The following GNL2 variants were observed in gnomAD, a reference collection of about 807,000 sequenced individuals.
GNL2 encodes G protein nucleolar 2.
GNL2 carries 51 observed loss-of-function variants against 92.3 expected under a neutral mutation model. The observed-to-expected ratio is 0.55, with a 90% confidence interval of 0.44 to 0.70. The LOEUF (loss-of-function observed/expected upper bound fraction) is 0.70. GNL2 is among the 30% of genes least tolerant of loss of function. GNL2 has a pLI of 0.00. For synonymous variants in GNL2, 283 were observed against 300.6 expected (o/e 0.94, Z 0.61); for missense variants, 844 against 895.6 (o/e 0.94, Z 0.74).
chr1:37,592,607 C>T (rs1643894180), intron 3 of GNL2, 105 bp downstream of exon 3: 2 of 675,356 alleles, frequency 3.0e-6, no homozygotes, highest in East Asian at 2.5e-5. Context: ...TAATCCTTGC[C>T]GGTTTCACTC....
Position 37,590,787 on chromosome 1 carries a change from T to A in GNL2, c.303A>T (p.Thr101=). The change falls in exon 4 of 16, where the codon ACA becomes ACT. Residue 101 remains threonine (T), a synonymous_variant. Coordinates refer to ENST00000373062, the MANE Select transcript of GNL2 (RefSeq NM_013285.3). ...SLQKFQEEMD[T]VMKDPYKVVM... is the part of the protein sequence containing the mutation. ...CAACTTTGTATGGATCCTTCATAAC[T>A]GTATCCATTTCCTCTTGAAATTTTT... 1 of 1,600,212 alleles carries A rather than the reference T, an allele frequency of 6.2e-7. No homozygotes were observed. Among genetic ancestry groups the A allele is most frequent in the Non-Finnish European group, 8.5e-7 (1 of 1,170,878 alleles).
rs1643518535 is a variant in GNL2, at chr1:37,567,242, G to C, written c.2044-235C>G. Among the ~76,000 whole-genome samples, 4 of 152,140 alleles carry C rather than the reference G, an allele frequency of 2.6e-5. 1 individual carries two copies. The South Asian group carries it at 8.3e-4, about 31-fold the overall frequency. On this transcript the variant is annotated intron_variant, in intron 15 of 15. Transcript: ENST00000373062. ...ACATGTGATCCAACCCTTAGCCAGT[G>C]CAAGAATCTGTTCTGCATCACTCCT...
chr1:37,582,302 G>T lies in GNL2; in HGVS notation c.830C>A (p.Pro277Gln). The change falls in exon 8 of 16, where the codon CCA becomes CAA. Residue 277 changes from proline to glutamine, a missense_variant. By Grantham distance (76) the Pro-to-Gln change is moderately conservative. Coordinates refer to ENST00000373062, the MANE Select transcript of GNL2 (RefSeq NM_013285.3). ...RWVAVLSQDY[P>Q]TLAFHASLTN... ...AAGGCTTGCATGGAAAGCAAGTGTT[G>T]GATAATCCTGGGAGAGGACAGCAAC... is the stretch of plus-strand genomic sequence containing the variant. 2.5e-6 allele frequency: 4 copies of T among 1,613,156 alleles called. No individual in the cohort carries two copies. Among genetic ancestry groups the T allele is most frequent in the Non-Finnish European group, 3.4e-6 (4 of 1,179,568 alleles).
chr1:37,582,091 G>C (rs1446494652), intron 8 of GNL2, 132 bp downstream of exon 8: 2 of 583,466 alleles, frequency 3.4e-6, no homozygotes, highest in Non-Finnish European at 6.1e-6. Flanking sequence ...GTCCTGAGTA[G>C]CTAGGACTAC....
rs764754494 is a variant in GNL2 at position 37,568,331 on chromosome 1, A to G, written c.1895T>C (p.Ile632Thr). ...VRISKGLSEK[I>T]FAKPEEQRKT... ...TCTTTGTTCTTCAGGTTTTGCAAAT[A>G]TCTTTTCACTCAGTCCCTTGGATAT... The change falls in exon 14 of 16, where the codon ATA becomes ACA. Residue 632 changes from isoleucine to threonine, a missense_variant. Ile to Thr is a moderately conservative substitution (Grantham distance 89). Transcript: ENST00000373062. The G allele has an allele frequency of 6.2e-7, 1 of 1,609,638 alleles. No individual in the cohort carries two copies. Among genetic ancestry groups the G allele is most frequent in the South Asian group, 1.1e-5 (1 of 90,986 alleles).
chr1:37,589,597 G>A (rs140719665), intron 4 of GNL2, among the ~76,000 whole-genome samples: 5 of 152,308 alleles, frequency 3.3e-5, no homozygotes, highest in East Asian at 1.9e-4. Context: ...GAGCCACCGC[G>A]CCCAGCCTGA....
At chr1:37,591,563 T>C (rs1643887951) in intron 3 of GNL2, among the ~76,000 whole-genome samples, 1 of 150,272 alleles carries the variant, frequency 6.7e-6, no homozygotes, top group Non-Finnish European at 1.5e-5. Flanking sequence ...TGGAGTGCAG[T>C]GGCACAATCT....
rs1468488206 is a variant in GNL2 at position 37,582,921 on chromosome 1, C to G, written c.652G>C (p.Asp218His). 4.3e-6 allele frequency: 7 copies of G among 1,611,500 alleles called. No homozygotes were observed. Among genetic ancestry groups the G allele is most frequent in the African/African-American group, 1.3e-5 (1 of 74,816 alleles). ...GCATCAAGAACTTGAACTACAACAT[C>G]TGATGAATCTATCACCTGAAAATTC... ...GELYKVIDSS[D>H]VVVQVLDARD... is the part of the protein sequence containing the mutation. Residue 218 changes from aspartate (D) to histidine (H), a missense_variant, in exon 7 of 16, where the codon GAT becomes CAT. Asp to His is a moderately conservative substitution (Grantham distance 81). Coordinates refer to ENST00000373062, the MANE Select transcript of GNL2 (RefSeq NM_013285.3).
chr1:37,576,558 T>C lies in GNL2; in HGVS notation c.910-2A>G. On this transcript the variant is annotated splice_acceptor_variant, in intron 8 of 15. Transcript: ENST00000373062. LOFTEE classifies it high-confidence loss of function. ...GATCTGTTTCTTGTCAGTGTGCAAC[T>C]GTTCAAAGAGAGAATACACAGCACA... 6.2e-7 allele frequency: 1 copy of C among 1,613,588 alleles called. No individual in the cohort carries two copies. The highest frequency in any genetic ancestry group is 2.2e-5 in the East Asian group (1 of 44,866).
At chr1:37,573,125 G>A (rs1643619904) in intron 12 of GNL2, among the ~76,000 whole-genome samples, 1 of 152,172 alleles carries the variant, frequency 6.6e-6, no homozygotes, top group Non-Finnish European at 1.5e-5. Context: ...AATGAAAGAT[G>A]CAATACACAT....
At position 37,574,525 on chromosome 1, in the gene GNL2, T is replaced by C. The variant is rs1643646520; in HGVS notation, c.1303-69A>G. 4.9e-6 allele frequency: 7 copies of C among 1,442,716 alleles called. No homozygotes were observed. In the South Asian group the frequency reaches 5.8e-5, roughly 12 times the overall value. The allele number at this position is 1,442,716 out of a possible 1,614,324, so 89.4% of individuals were successfully genotyped here. ...AAACCACCTACCACTTTGGGGGTAT[T>C]TCAGTTGTCCCAGGGGTTCATCATC... On this transcript the variant is annotated intron_variant, in intron 11 of 15. Coordinates refer to ENST00000373062, the MANE Select transcript of GNL2 (RefSeq NM_013285.3).
chr1:37,574,549 T>C (rs1643646972), intron 11 of GNL2, 93 bp from the exon 12 acceptor site: 1 of 1,391,410 alleles, frequency 7.2e-7, no homozygotes, highest in Admixed American at 1.8e-5. Context: ...GGGTTCATCA[T>C]CACTTAAGTG....
intron 12 of GNL2, chr1:37,570,512 A>T (rs1318787259): frequency 6.6e-6 from 1 of 151,610 alleles, no homozygotes; most frequent in Non-Finnish European, 1.5e-5. Flanking sequence ...CCTGGGCAAC[A>T]GAGCAAGACT....
rs745689181 is a variant in GNL2 at position 37,590,725 on chromosome 1, T to C, written c.365A>G (p.His122Arg). Reference sequence around the variant, plus strand: ...TCTTACATGAGGCCGGATTCGATCATGGAGAAGAGACATTGGTAACTTGCT... The same window carrying C: ...TCTTACATGAGGCCGGATTCGATCACGGAGAAGAGACATTGGTAACTTGCT... ...KQSKLPMSLL[H>R]DRIRPHNLKV... Residue 122 changes from histidine to arginine, a missense_variant, in exon 4 of 16, where the codon CAT becomes CGT. Transcript: ENST00000373062. 1.9e-6 allele frequency: 3 copies of C among 1,613,622 alleles called. No individual in the cohort carries two copies. Among genetic ancestry groups the C allele is most frequent in the Non-Finnish European group, 1.7e-6 (2 of 1,179,506 alleles).
chr1:37,576,850 G>T (rs964503889), intron 8 of GNL2, among the ~76,000 whole-genome samples: 1 of 152,040 alleles, frequency 6.6e-6, no homozygotes. Context: ...AGTGGCTCAC[G>T]CCTGTAATCC....
In GNL2 at chr1:37,587,503, G is replaced by C. The variant is rs1176013468; in HGVS notation, c.385-8C>G. 2 of 1,589,714 alleles carry C rather than the reference G, an allele frequency of 1.3e-6. No individual in the cohort carries two copies. Among genetic ancestry groups the C allele is most frequent in the Non-Finnish European group, 1.7e-6 (2 of 1,162,960 alleles). On this transcript the variant is annotated splice_region_variant and splice_polypyrimidine_tract_variant and intron_variant, in intron 4 of 15. Transcript: ENST00000373062. ...AATGTGCACCTTCAAGTTCTGAAGA[G>C]AAAGGAGAATAACAGGTAAAACTAA...
At chr1:37,577,850 T>C (rs951777937) in intron 8 of GNL2, among the ~76,000 whole-genome samples, 1 of 152,192 alleles carries the variant, frequency 6.6e-6, no homozygotes, top group Non-Finnish European at 1.5e-5. Flanking sequence ...CCTATGAAAG[T>C]GGCTTTTGGA....
intron 8 of GNL2, among the ~76,000 whole-genome samples, chr1:37,577,246 C>T (rs186765135): frequency 2.0e-3 from 312 of 152,270 alleles, no homozygotes; most frequent in Non-Finnish European, 2.9e-3. Flanking sequence ...AACTCACCCC[C>T]CCTTTTCTTT....
Position 37,575,858 on chromosome 1 carries a change from C to T in GNL2, c.1039-159G>A, listed in dbSNP as rs1203273694. Among the ~76,000 whole-genome samples the T allele has an allele frequency of 6.6e-6, 1 of 152,158 alleles. No homozygotes were observed. Among genetic ancestry groups the T allele is most frequent in the African/African-American group, 2.4e-5 (1 of 41,426 alleles). On this transcript the variant is annotated intron_variant, in intron 9 of 15. Transcript: ENST00000373062. This position sits in a 1 kb window ranked among gnomAD's most constrained non-coding sequence, Gnocchi z 4.1. ...AAGCTACTAACTCTCTCATCTGTGC[C>T]GTGCACAAGATACTTCCACTAAGTG...
Sources: allele counts gnomAD v4.1 joint callset (sites outside exome capture counted in the v4.1 genomes callset), GRCh38; gene constraint gnomAD v4.1.1; non-coding constraint Gnocchi (gnomAD v3.1); transcripts MANE v1.5; gene names NCBI Gene and HGNC (gene_info 2026-07-23, HGNC 2026-07-21).